Variants in MGLL observed in about 807,000 individuals in gnomAD.
MGLL encodes the protein monoglyceride lipase, also known as lysophospholipase homolog.
In MGLL, 7 loss-of-function variants were observed where a neutral mutation model predicts 29.1. The observed-to-expected ratio is 0.24, with a 90% confidence interval of 0.14 to 0.45. MGLL has a LOEUF of 0.45. Among genes scored for constraint, MGLL ranks in the 20% least tolerant of loss-of-function variants. MGLL has a pLI of 0.99. For missense variants in MGLL, 356 were observed against 413.6 expected (o/e 0.86, Z 1.21); for synonymous variants, 148 against 168.3 (o/e 0.88, Z 0.93).
chr3:127,821,004 T>C (rs1385737557), intron 2 of MGLL, among the ~76,000 whole-genome samples: 1 of 152,204 alleles, frequency 6.6e-6, no homozygotes, highest in Non-Finnish European at 1.5e-5. Flanking sequence ...AAAATGTCCC[T>C]GGAACAGGAA....
intron 3 of MGLL, among the ~76,000 whole-genome samples, chr3:127,772,055 T>TC (rs1400906474): frequency 1.3e-5 from 2 of 152,134 alleles, no homozygotes; most frequent in Admixed American, 6.5e-5. Context: ...AAAAGAGGTG[T>TC]CATGGGAGGA....
At chr3:127,753,003 C>T (rs1464383774) in intron 3 of MGLL, among the ~76,000 whole-genome samples, 1 of 151,974 alleles carries the variant, frequency 6.6e-6, no homozygotes, top group East Asian at 1.9e-4. Context: ...TGGTCCTGCA[C>T]AGGGAAAAAC....
At chr3:127,741,534 C>T (rs988430749) in intron 3 of MGLL, among the ~76,000 whole-genome samples, 1 of 152,242 alleles carries the variant, frequency 6.6e-6, no homozygotes, top group African/African-American at 2.4e-5. Context: ...GCGTGTGTTA[C>T]ACCGGGGCAG....
At chr3:127,793,017 C>A (rs1469426294) in intron 2 of MGLL, among the ~76,000 whole-genome samples, 1 of 152,198 alleles carries the variant, frequency 6.6e-6, no homozygotes, top group Non-Finnish European at 1.5e-5. Context: ...AATATTTTTT[C>A]TTGGGAGCAA....
intron 5 of MGLL, chr3:127,715,722 G>C (rs1316228498): frequency 2.2e-6 from 1 of 456,572 alleles, no homozygotes; most frequent in Non-Finnish European, 4.4e-6. Flanking sequence ...GAAGGAAGGA[G>C]TCATGGCAGG....
At chr3:127,811,158 A>G (rs1398960413) in intron 2 of MGLL, among the ~76,000 whole-genome samples, 2 of 149,214 alleles carry the variant, frequency 1.3e-5, no homozygotes, top group East Asian at 3.8e-4. Flanking sequence ...AAACTGTGGC[A>G]GTAGAGACTT....
chr3:127,731,490 C>A (rs1056481723), intron 3 of MGLL, among the ~76,000 whole-genome samples: 8 of 151,990 alleles, frequency 5.3e-5, no homozygotes, highest in Non-Finnish European at 1.5e-5. Context: ...CCTTGCTGAT[C>A]CTGGAAAGAC....
At chr3:127,792,466 G>A (rs1216979520) in intron 2 of MGLL, among the ~76,000 whole-genome samples, 1 of 152,114 alleles carries the variant, frequency 6.6e-6, no homozygotes, top group East Asian at 1.9e-4. Flanking sequence ...CACTTTGGGA[G>A]GCCAAGGAGG....
chr3:127,752,172 T>C (rs551080), intron 3 of MGLL, among the ~76,000 whole-genome samples: 85,117 of 151,686 alleles, frequency 0.56, 24,063 homozygotes, highest in Admixed American at 0.63. Flanking sequence ...TGTCGGCTCA[T>C]TGCAACCTCT....
chr3:127,715,988 G>C (rs1225436315), intron 5 of MGLL: 1 of 366,944 alleles, frequency 2.7e-6, no homozygotes, highest in South Asian at 2.0e-5. Flanking sequence ...CCCCTGCATG[G>C]CTCCCCCATT....
chr3:127,760,588 G>A (rs559802673), intron 3 of MGLL, among the ~76,000 whole-genome samples: 23 of 152,336 alleles, frequency 1.5e-4, no homozygotes, highest in Non-Finnish European at 3.2e-4. Flanking sequence ...ACTGCGCGTC[G>A]CAAGCTATTC....
intron 3 of MGLL, among the ~76,000 whole-genome samples, chr3:127,742,150 C>A (rs1257936090): frequency 6.6e-6 from 1 of 152,204 alleles, no homozygotes; most frequent in Non-Finnish European, 1.5e-5. Flanking sequence ...CTTGACATTT[C>A]ATTGTCATCA....
intron 1 of MGLL, 131 bp from the exon 2 acceptor site, chr3:127,821,969 G>A: frequency 3.0e-6 from 3 of 996,028 alleles, no homozygotes; most frequent in Non-Finnish European, 4.4e-6. Context: ...TGTTTCAAAG[G>A]TTTAAAACAT....
chr3:127,742,125 A>G (rs1213168951), intron 3 of MGLL, among the ~76,000 whole-genome samples: 2 of 152,250 alleles, frequency 1.3e-5, no homozygotes, highest in Non-Finnish European at 2.9e-5. Flanking sequence ...ACATAGAACT[A>G]AAAATGCTTT....
chr3:127,757,735 C>T (rs1033999569), intron 3 of MGLL, among the ~76,000 whole-genome samples: 3 of 152,170 alleles, frequency 2.0e-5, no homozygotes, highest in Non-Finnish European at 2.9e-5. Context: ...GACCTGCCTC[C>T]GAGAGAGTGT....
In MGLL at chr3:127,692,159, G is replaced by A. The variant is rs1285651666; in HGVS notation, c.*39C>T. 1 of 1,531,662 alleles carries A rather than the reference G, an allele frequency of 6.5e-7. No individual in the cohort carries two copies. 94.9% of individuals were successfully genotyped at this position (1,531,662 alleles called of 1,614,324 possible). Reference sequence around the variant, plus strand: ...AGCCATCTCTGCCCTTCCCCTGCCTGCATCCCCCAGACCATGAGCCGGGCA... The same window carrying A: ...AGCCATCTCTGCCCTTCCCCTGCCTACATCCCCCAGACCATGAGCCGGGCA... On this transcript the variant is annotated 3_prime_UTR_variant, in exon 8 of 8. Coordinates refer to ENST00000265052, the MANE Select transcript of MGLL (RefSeq NM_007283.7).
At position 127,787,180 on chromosome 3, in the gene MGLL, GC is replaced by G. The variant is rs2077228652; in HGVS notation, c.156-5286del. Among the ~76,000 whole-genome samples, 5 of 152,210 alleles carry G rather than the reference GC, an allele frequency of 3.3e-5. 1 individual carries two copies. The South Asian group carries it at 1.0e-3, about 31-fold the overall frequency. ...ACTCACATTCTCATGGTCACTGCCA[GC>G]CCCCTGGGCAAGACGCCTGCAATAC... On this transcript the variant is annotated intron_variant, in intron 2 of 7. Transcript: ENST00000265052.
chr3:127,787,758 A>G (rs1042850995), intron 2 of MGLL, among the ~76,000 whole-genome samples: 1 of 152,206 alleles, frequency 6.6e-6, no homozygotes, highest in Non-Finnish European at 1.5e-5. Flanking sequence ...CATCCCACTC[A>G]TTCGACTGGA....
Position 127,783,335 on chromosome 3 carries a change from C to T in MGLL, c.156-1440G>A, listed in dbSNP as rs562654891. ...CGGAGGCTCCCAGTGCCTGATCTGG[C>T]AACCCCTCCCGGGCCTTTCTGCTGG... On this transcript the variant is annotated intron_variant, in intron 2 of 7. Transcript: ENST00000265052. Among the ~76,000 whole-genome samples, 3 of 152,232 alleles carry T rather than the reference C, an allele frequency of 2.0e-5. No homozygotes were observed. The East Asian group carries it at 5.8e-4, about 29-fold the overall frequency.
Sources: gnomAD v4.1 joint callset for allele counts (sites outside exome capture counted in the v4.1 genomes callset) on GRCh38, gnomAD v4.1.1 for gene constraint, MANE v1.5 for transcripts, NCBI Gene and HGNC (gene_info 2026-07-23, HGNC 2026-07-21) for gene names.